CEP152: variants seen among roughly 807,000 people sequenced by gnomAD.
CEP152 encodes centrosomal protein of 152 kDa.
In CEP152, 132 loss-of-function variants were observed where a neutral mutation model predicts 188.9. That is an observed-to-expected ratio of 0.70 (90% CI 0.61 to 0.81). CEP152 has a LOEUF of 0.81. Among genes scored for constraint, CEP152 ranks in the 30% least tolerant of loss-of-function variants. CEP152 has a pLI of 0.00. For missense variants in CEP152, 1,914 were observed against 1,969.8 expected (o/e 0.97, Z 0.54); for synonymous variants, 649 against 666.6 (o/e 0.97, Z 0.41).
At chr15:48,789,255 G>T in intron 8 of CEP152, 1 of 519,616 alleles carries the variant, frequency 1.9e-6, no homozygotes, top group Non-Finnish European at 3.5e-6. Flanking sequence ...GAGTGAAAGA[G>T]GATTTTGCGC....
At chr15:48,802,256 GC>G (rs1897710737) in intron 2 of CEP152, among the ~76,000 whole-genome samples, 1 of 152,154 alleles carries the variant, frequency 6.6e-6, no homozygotes. Context: ...AGAAAAGTTT[GC>G]TTTGGATGAT....
rs184091200 is a variant in CEP152 at position 48,781,052 on chromosome 15, C to G, written c.1577+144G>C. The G allele has an allele frequency of 1.5e-4, 105 of 717,508 alleles. 1 individual carries two copies. The East Asian group carries it at 2.8e-3, about 19-fold the overall frequency. 44.4% of individuals were successfully genotyped at this position (717,508 alleles called of 1,614,324 possible). On this transcript the variant is annotated intron_variant, in intron 12 of 26. Transcript: ENST00000380950. ...AATTAATGTATATTTTTTATACTAT[C>G]ACTGATAAATGCAAGGTATCTGCAT...
chr15:48,753,420 T>G (rs1479261820), intron 20 of CEP152, among the ~76,000 whole-genome samples: 2 of 152,242 alleles, frequency 1.3e-5, no homozygotes, highest in African/African-American at 4.8e-5. Flanking sequence ...GTAGTCTTAC[T>G]GATTATTTAA....
intron 19 of CEP152, among the ~76,000 whole-genome samples, chr15:48,759,292 C>G (rs1183203732): frequency 1.3e-5 from 2 of 152,008 alleles, no homozygotes; most frequent in African/African-American, 4.8e-5. Flanking sequence ...AAATGTTTAA[C>G]TCCTTCATTA....
chr15:48,802,604 A>G (rs1419034663), intron 2 of CEP152, among the ~76,000 whole-genome samples: 1 of 152,152 alleles, frequency 6.6e-6, no homozygotes, highest in African/African-American at 2.4e-5. Flanking sequence ...AATACATTAT[A>G]GGACGTTTCT....
At chr15:48,772,070 T>G (rs1442466513) in intron 13 of CEP152, among the ~76,000 whole-genome samples, 2 of 152,234 alleles carry the variant, frequency 1.3e-5, no homozygotes, top group Non-Finnish European at 2.9e-5. Flanking sequence ...ACTTTATTTC[T>G]AAAAATGTCA....
intron 17 of CEP152, among the ~76,000 whole-genome samples, chr15:48,765,880 C>T (rs1220807801): frequency 3.3e-5 from 5 of 151,952 alleles, no homozygotes; most frequent in African/African-American, 1.2e-4. Context: ...TCTCGATCTC[C>T]TGACCTCGTG....
At chr15:48,742,438 A>G (rs374039945) in intron 24 of CEP152, among the ~76,000 whole-genome samples, 1 of 152,340 alleles carries the variant, frequency 6.6e-6, no homozygotes, top group African/African-American at 2.4e-5. Context: ...TCAATTGTAC[A>G]TTATGTCCAG....
chr15:48,795,893 CA>C, intron 6 of CEP152, 116 bp downstream of exon 6: 1 of 941,622 alleles, frequency 1.1e-6, no homozygotes, highest in Non-Finnish European at 1.6e-6. Flanking sequence ...ATATCAAGCA[CA>C]ATTCTATTGT....
intron 26 of CEP152, among the ~76,000 whole-genome samples, chr15:48,739,714 T>C (rs1892822936): frequency 6.6e-6 from 1 of 152,128 alleles, no homozygotes; most frequent in East Asian, 1.9e-4. Flanking sequence ...ACTTCTAGAA[T>C]AGCTAAATAG....
downstream of CEP152, among the ~76,000 whole-genome samples, chr15:48,735,123 A>T (rs1892552214): frequency 6.6e-6 from 1 of 152,242 alleles, no homozygotes; most frequent in Non-Finnish European, 1.5e-5. Context: ...CCATAAAACA[A>T]GTCTCAAGAA....
intron 21 of CEP152, among the ~76,000 whole-genome samples, chr15:48,750,679 T>C (rs138708332): frequency 2.6e-5 from 4 of 152,286 alleles, no homozygotes; most frequent in African/African-American, 9.6e-5. Flanking sequence ...GAACTAGAGC[T>C]ATTGCATCAA....
chr15:48,736,143 T>A, downstream of CEP152, among the ~76,000 whole-genome samples: 1 of 152,062 alleles, frequency 6.6e-6, no homozygotes, highest in East Asian at 1.9e-4. Context: ...TTACTTAAAA[T>A]CCACACTTCT....
In CEP152 at chr15:48,785,392, A is replaced by C. The variant is rs1896556028; in HGVS notation, c.1174-1272T>G. On this transcript the variant is annotated intron_variant, in intron 9 of 26. Transcript: ENST00000380950. ...TATTCAGCACTGCAAACCTCCTGGCACACTGCTGCGAATTCCAGGCCAGCT... is the reference window on the plus strand; with the variant it reads ...TATTCAGCACTGCAAACCTCCTGGCCCACTGCTGCGAATTCCAGGCCAGCT... 2.6e-5 allele frequency among the ~76,000 whole-genome samples: 4 copies of C among 151,922 alleles called. No homozygotes were observed. The South Asian group carries it at 8.3e-4, about 31-fold the overall frequency.
chr15:48,793,178 G>T, intron 7 of CEP152, 143 bp downstream of exon 7: 2 of 887,916 alleles, frequency 2.3e-6, no homozygotes, highest in Non-Finnish European at 3.6e-6. Flanking sequence ...AGAAATCCTG[G>T]GTTTTGTTTT....
In CEP152 at chr15:48,748,220, T is replaced by C. The variant is rs532120879; in HGVS notation, c.3634+223A>G. On this transcript the variant is annotated intron_variant, in intron 22 of 26. Coordinates refer to ENST00000380950, the MANE Select transcript of CEP152 (RefSeq NM_001194998.2). The stretch of plus-strand genomic sequence containing the variant: ...GTATACTGGGCCCTCAATATCTGTT[T>C]AATCAAGAAAGGAAGAAAGGAATGT... Among the ~76,000 whole-genome samples the C allele has an allele frequency of 4.6e-4, 70 of 152,252 alleles. 1 individual carries two copies. Among genetic ancestry groups the C allele is most frequent in the African/African-American group, 1.6e-3 (67 of 41,552 alleles).
At chr15:48,807,156 C>T (rs1471412916) in intron 1 of CEP152, among the ~76,000 whole-genome samples, 2 of 152,194 alleles carry the variant, frequency 1.3e-5, no homozygotes, top group East Asian at 3.9e-4. Context: ...CAGACCACAC[C>T]TATTCCTTTC....
intron 12 of CEP152, among the ~76,000 whole-genome samples, chr15:48,777,161 G>C (rs758588614): frequency 7.2e-5 from 11 of 151,926 alleles, no homozygotes; most frequent in Non-Finnish European, 1.3e-4. Context: ...TCCCAGAACA[G>C]AAAAAGTATG....
intron 2 of CEP152, among the ~76,000 whole-genome samples, chr15:48,802,281 C>T (rs1294409330): frequency 6.6e-6 from 1 of 152,114 alleles, no homozygotes; most frequent in Non-Finnish European, 1.5e-5. Flanking sequence ...TCCTTCTTAG[C>T]AAGAAGGACA....
Sources: allele counts gnomAD v4.1 joint callset (sites outside exome capture counted in the v4.1 genomes callset), GRCh38; gene constraint gnomAD v4.1.1; transcripts MANE v1.5; gene names NCBI Gene and HGNC (gene_info 2026-07-23, HGNC 2026-07-21).